The following EXOC4 variants were observed in gnomAD, a reference collection of about 807,000 sequenced individuals.
EXOC4 encodes the protein exocyst complex component 4, also known as SEC8-like 1.
EXOC4 carries 71 observed loss-of-function variants against 107.2 expected under a neutral mutation model. The ratio of observed to expected loss-of-function variants is 0.66; its 90% CI spans 0.55 to 0.81. The LOEUF (loss-of-function observed/expected upper bound fraction) is 0.81. Ranked by LOEUF, EXOC4 falls within the 30% of genes least tolerant of loss-of-function variation. The pLI, the probability that EXOC4 is intolerant of heterozygous loss-of-function variation, is 0.00. For synonymous variants in EXOC4, 456 were observed against 441.2 expected (o/e 1.03, Z -0.42); for missense variants, 1,108 against 1,189.6 (o/e 0.93, Z 1.01).
chr7:133,451,463 C>T (rs1338951865), intron 7 of EXOC4, among the ~76,000 whole-genome samples: 1 of 151,274 alleles, frequency 6.6e-6, no homozygotes, highest in African/African-American at 2.4e-5. Flanking sequence ...TTAACATAAA[C>T]GTTTATTAAT....
chr7:133,440,675 A>G (rs528453961), intron 7 of EXOC4, among the ~76,000 whole-genome samples: 1 of 152,202 alleles, frequency 6.6e-6, no homozygotes, highest in Non-Finnish European at 1.5e-5. Flanking sequence ...TGGCAATGGG[A>G]GTGACCTCTG....
intron 11 of EXOC4, among the ~76,000 whole-genome samples, chr7:133,832,680 A>T (rs1563018927): frequency 6.6e-6 from 1 of 152,184 alleles, no homozygotes; most frequent in Non-Finnish European, 1.5e-5. Context: ...TTGATAAACC[A>T]CTGTTTCTAA....
chr7:133,613,633 A>G (rs1036769734), intron 9 of EXOC4, among the ~76,000 whole-genome samples: 3 of 152,066 alleles, frequency 2.0e-5, no homozygotes, highest in African/African-American at 7.2e-5. Context: ...GAATTGCTTG[A>G]TAGGTACTAT....
intron 9 of EXOC4, among the ~76,000 whole-genome samples, chr7:133,567,217 A>T (rs1352541762): frequency 6.6e-6 from 1 of 152,080 alleles, no homozygotes; most frequent in East Asian, 1.9e-4. Context: ...AGTTTCTTAT[A>T]TATCATTCTA....
chr7:133,371,405 AC>A (rs1237477961), intron 6 of EXOC4, among the ~76,000 whole-genome samples: 1 of 150,836 alleles, frequency 6.6e-6, no homozygotes, highest in Admixed American at 6.6e-5. Flanking sequence ...GTTCCCACCC[AC>A]CCCCAGCCTA....
chr7:133,795,598 C>T (rs138243709), intron 10 of EXOC4, among the ~76,000 whole-genome samples: 118 of 152,348 alleles, frequency 7.7e-4, no homozygotes, highest in African/African-American at 2.8e-3. Flanking sequence ...TTTCAATTCA[C>T]AGTCCAGATT....
chr7:133,802,224 A>G (rs1167755304), intron 10 of EXOC4, among the ~76,000 whole-genome samples: 1 of 152,150 alleles, frequency 6.6e-6, no homozygotes, highest in Admixed American at 6.5e-5. Context: ...CAAATTACTT[A>G]CCTTTTCTGA....
chr7:133,936,811 C>T (rs10225137), intron 13 of EXOC4, among the ~76,000 whole-genome samples: 2,439 of 152,184 alleles, frequency 0.016, 72 homozygotes, highest in African/African-American at 0.055. Context: ...AGGTGCATGC[C>T]GGCACGCCTG....
At chr7:133,898,042 C>T (rs1038360241) in intron 12 of EXOC4, among the ~76,000 whole-genome samples, 4 of 150,608 alleles carry the variant, frequency 2.7e-5, no homozygotes, top group Admixed American at 6.6e-5. Context: ...CTCCAGCAAC[C>T]GCTGTTCTAC....
chr7:133,805,204 T>G (rs2151200217), intron 10 of EXOC4, among the ~76,000 whole-genome samples: 1 of 152,304 alleles, frequency 6.6e-6, no homozygotes, highest in Non-Finnish European at 1.5e-5. Flanking sequence ...CTGGGAAAAC[T>G]TTGTGAGTGA....
At chr7:133,901,286 TA>T (rs1278754760) in intron 12 of EXOC4, among the ~76,000 whole-genome samples, 1 of 152,230 alleles carries the variant, frequency 6.6e-6, no homozygotes, top group Non-Finnish European at 1.5e-5. Flanking sequence ...CTTGATTACA[TA>T]AGCAATCTTT....
intron 15 of EXOC4, among the ~76,000 whole-genome samples, chr7:134,003,762 A>G (rs577743141): frequency 7.2e-4 from 108 of 150,830 alleles, no homozygotes; most frequent in Non-Finnish European, 1.3e-3. Context: ...TTTTTCTGCT[A>G]CGGTGGGGGA....
intron 2 of EXOC4, among the ~76,000 whole-genome samples, chr7:133,287,271 A>C (rs1011254203): frequency 6.6e-6 from 1 of 151,490 alleles, no homozygotes; most frequent in Non-Finnish European, 1.5e-5. Context: ...AAAGAGGTCT[A>C]TGACCCCCCA....
At chr7:133,332,841 A>G (rs976802128) in intron 5 of EXOC4, among the ~76,000 whole-genome samples, 2 of 152,152 alleles carry the variant, frequency 1.3e-5, no homozygotes, top group Admixed American at 1.3e-4. Flanking sequence ...CTAAAATGTC[A>G]TCAAGTATGA....
At chr7:133,581,748 A>C (rs1585011649) in intron 9 of EXOC4, among the ~76,000 whole-genome samples, 1 of 105,794 alleles carries the variant, frequency 9.5e-6, no homozygotes, top group Non-Finnish European at 1.9e-5. Flanking sequence ...AAAGAGTGAG[A>C]CTCCGTCTCA....
At chr7:133,885,156 A>T (rs1251921625) in intron 11 of EXOC4, among the ~76,000 whole-genome samples, 1 of 152,120 alleles carries the variant, frequency 6.6e-6, no homozygotes, top group African/African-American at 2.4e-5. Flanking sequence ...TCTACTAAAA[A>T]TACAAAAATT....
intron 7 of EXOC4, among the ~76,000 whole-genome samples, chr7:133,405,351 G>A (rs1797192308): frequency 1.3e-5 from 2 of 152,090 alleles, no homozygotes; most frequent in Admixed American, 1.3e-4. Context: ...ATAAATATTT[G>A]AGTAAAGATA....
chr7:133,598,707 G>T lies in EXOC4; in HGVS notation c.1418-31338G>T, dbSNP rs141408732. On this transcript the variant is annotated intron_variant, in intron 9 of 17. Transcript: ENST00000253861. Reference sequence around the variant, plus strand: ...TAAGTATAAAATGCAAACTGGGCCGGGTGTGGTGGGTCATACCTGTAATCC... The same window carrying T: ...TAAGTATAAAATGCAAACTGGGCCGTGTGTGGTGGGTCATACCTGTAATCC... Among the ~76,000 whole-genome samples, 472 of 152,238 alleles carry T rather than the reference G, an allele frequency of 3.1e-3. 2 individuals are homozygous for T. The highest frequency in any genetic ancestry group is 5.7e-3 in the Non-Finnish European group (388 of 68,008).
chr7:133,541,653 C>T (rs768542860), intron 9 of EXOC4, among the ~76,000 whole-genome samples: 1 of 151,916 alleles, frequency 6.6e-6, no homozygotes, highest in Non-Finnish European at 1.5e-5. Context: ...GCAGGCACCA[C>T]CATGCGTGGC....
Sources: allele counts gnomAD v4.1 joint callset (sites outside exome capture counted in the v4.1 genomes callset), GRCh38; gene constraint gnomAD v4.1.1; transcripts MANE v1.5; gene names NCBI Gene and HGNC (gene_info 2026-07-23, HGNC 2026-07-21).